Variants in PDZRN3 observed in about 807,000 individuals in gnomAD.
PDZRN3 encodes the protein E3 ubiquitin-protein ligase PDZRN3.
A neutral mutation model predicts 85.7 loss-of-function variants in PDZRN3; 38 were observed. The ratio of observed to expected loss-of-function variants is 0.44; its 90% confidence interval spans 0.34 to 0.58. The LOEUF is 0.58. Ranked by LOEUF, PDZRN3 falls within the 20% of genes least tolerant of loss-of-function variation. PDZRN3 has a pLI of 0.01. For missense variants in PDZRN3, 1,629 were observed against 1,506.4 expected, an observed-to-expected ratio of 1.08 and a Z score of -1.35; for synonymous variants, 759 against 638.0, an observed-to-expected ratio of 1.19 and a Z score of -2.86.
At chr3:73,422,181 G>A (rs551370740) in intron 3 of PDZRN3, among the ~76,000 whole-genome samples, 204 of 152,300 alleles carry the variant, frequency 1.3e-3, no homozygotes, top group African/African-American at 4.9e-3. Flanking sequence ...CAGAACACTA[G>A]AGGGAGATGC....
intron 3 of PDZRN3, among the ~76,000 whole-genome samples, chr3:73,509,441 T>C (rs1704124732): frequency 6.6e-6 from 1 of 152,192 alleles, no homozygotes; most frequent in Non-Finnish European, 1.5e-5. Context: ...AGGCTGATCA[T>C]TTCATCTCCC....
chr3:73,525,671 C>G (rs2106740636), intron 3 of PDZRN3, among the ~76,000 whole-genome samples: 2 of 152,306 alleles, frequency 1.3e-5, no homozygotes, highest in East Asian at 3.9e-4. Flanking sequence ...TTAGTTGAGC[C>G]CCTGGTATCC....
At chr3:73,549,382 G>C (rs776998660) in intron 3 of PDZRN3, among the ~76,000 whole-genome samples, 5 of 152,184 alleles carry the variant, frequency 3.3e-5, no homozygotes, top group Non-Finnish European at 5.9e-5. Flanking sequence ...GGCAGGAAGA[G>C]TGAATCAAGC....
intron 3 of PDZRN3, among the ~76,000 whole-genome samples, chr3:73,496,141 G>A (rs1703861593): frequency 6.6e-6 from 1 of 151,278 alleles, no homozygotes; most frequent in Non-Finnish European, 1.5e-5. Flanking sequence ...AAAGTGAAAT[G>A]TATGATACAT....
At chr3:73,569,420 G>T in intron 3 of PDZRN3, 1 of 1,151,976 alleles carries the variant, frequency 8.7e-7, no homozygotes, top group Non-Finnish European at 1.1e-6. Context: ...CATATTTCCT[G>T]TCTCTTCCAT....
intron 3 of PDZRN3, among the ~76,000 whole-genome samples, chr3:73,405,355 G>A (rs1432207658): frequency 6.6e-6 from 1 of 152,188 alleles, no homozygotes; most frequent in Non-Finnish European, 1.5e-5. Context: ...GAAGTCCAGT[G>A]ATTTAATTTA....
At chr3:73,581,365 T>C (rs1702199793) in intron 3 of PDZRN3, among the ~76,000 whole-genome samples, 2 of 152,246 alleles carry the variant, frequency 1.3e-5, no homozygotes, top group African/African-American at 4.8e-5. Context: ...CCTTGGAATT[T>C]GTGTGGGTAT....
intron 3 of PDZRN3, among the ~76,000 whole-genome samples, chr3:73,580,379 G>C (rs1470571590): frequency 2.6e-5 from 4 of 152,202 alleles, no homozygotes; most frequent in Non-Finnish European, 5.9e-5. Flanking sequence ...TGAGCTGAGA[G>C]ATAACGCAGG....
rs568944661 is a variant in PDZRN3, at chr3:73,404,394, A to T, written c.920T>A (p.Val307Asp). Residue 307 changes from valine (V) to aspartate (D), a missense_variant and splice_region_variant, in exon 4 of 10, where the codon GTC becomes GAC. Coordinates refer to ENST00000263666, the MANE Select transcript of PDZRN3 (RefSeq NM_015009.3). ...TGCTCTGGATAAGTCTCTGCCGTTG[A>T]CCTGTGGAAAAATATTTAGGGTGGG... ...GLQIHDRIIE[V>D]NGRDLSRATH... 3 of 1,610,320 alleles carry T rather than the reference A, an allele frequency of 1.9e-6. No homozygotes were observed. Among genetic ancestry groups the T allele is most frequent in the African/African-American group, 2.7e-5 (2 of 74,800 alleles).
chr3:73,570,370 C>T (rs371884708), intron 3 of PDZRN3, among the ~76,000 whole-genome samples: 6 of 152,246 alleles, frequency 3.9e-5, no homozygotes, highest in Admixed American at 1.3e-4. Flanking sequence ...CAACAATTAC[C>T]GGCATATTTC....
chr3:73,428,242 G>A (rs1702357704), intron 3 of PDZRN3, among the ~76,000 whole-genome samples: 2 of 152,296 alleles, frequency 1.3e-5, no homozygotes, highest in South Asian at 4.2e-4. Context: ...TCGGTTCTCA[G>A]CACTTGGTGG....
chr3:73,443,509 C>G (rs1209204683), intron 3 of PDZRN3, among the ~76,000 whole-genome samples: 2 of 100,740 alleles, frequency 2.0e-5, no homozygotes, highest in African/African-American at 1.4e-4. Context: ...GGGGGGGGGA[C>G]AGCGCTTGCT....
chr3:73,503,640 T>C (rs988444785), intron 3 of PDZRN3, among the ~76,000 whole-genome samples: 2 of 152,232 alleles, frequency 1.3e-5, no homozygotes, highest in African/African-American at 4.8e-5. Flanking sequence ...CCTATGTACT[T>C]TGCAAGGTCT....
chr3:73,619,109 AAAT>A (rs1249687806), intron 1 of PDZRN3, among the ~76,000 whole-genome samples: 2 of 152,202 alleles, frequency 1.3e-5, no homozygotes, highest in Non-Finnish European at 2.9e-5. Context: ...AGTGGAACAA[AAAT>A]AATGCCTCCC....
chr3:73,564,035 T>G (rs774027005), intron 3 of PDZRN3, among the ~76,000 whole-genome samples: 4 of 152,146 alleles, frequency 2.6e-5, no homozygotes, highest in Non-Finnish European at 5.9e-5. Context: ...GTGAGCACGG[T>G]TGCTGGTTTA....
At chr3:73,587,812 A>G (rs983769534) in intron 3 of PDZRN3, among the ~76,000 whole-genome samples, 2 of 152,286 alleles carry the variant, frequency 1.3e-5, no homozygotes, top group Admixed American at 6.5e-5. Context: ...ACGACCTTGA[A>G]TGACATGATG....
intron 3 of PDZRN3, among the ~76,000 whole-genome samples, chr3:73,453,055 C>A (rs1050690827): frequency 3.3e-5 from 5 of 152,038 alleles, no homozygotes; most frequent in African/African-American, 1.2e-4. Flanking sequence ...AGTATGGGGG[C>A]AAGAGAAACA....
chr3:73,623,263 G>A (rs1702895933), intron 1 of PDZRN3, among the ~76,000 whole-genome samples: 1 of 152,226 alleles, frequency 6.6e-6, no homozygotes, highest in South Asian at 2.1e-4. Context: ...GAGGGAAACT[G>A]AGGGATCTGG....
chr3:73,578,766 C>T (rs1702158754), intron 3 of PDZRN3, among the ~76,000 whole-genome samples: 1 of 151,962 alleles, frequency 6.6e-6, no homozygotes, highest in African/African-American at 2.4e-5. Context: ...AGGAACCTGC[C>T]CCCCTTTCTG....
Sources: allele counts gnomAD v4.1 joint callset (sites outside exome capture counted in the v4.1 genomes callset), GRCh38; gene constraint gnomAD v4.1.1; transcripts MANE v1.5; gene names NCBI Gene and HGNC (gene_info 2026-07-23, HGNC 2026-07-21).